Variants in ZNF385D observed in about 807,000 individuals in gnomAD.
ZNF385D encodes zinc finger protein 385D.
ZNF385D carries 15 observed loss-of-function variants against 35.8 expected under a neutral mutation model. That is an observed-to-expected ratio of 0.42 (90% CI 0.28 to 0.64). The LOEUF (loss-of-function observed/expected upper bound fraction) is 0.64. Ranked by LOEUF, ZNF385D falls within the 30% of genes least tolerant of loss-of-function variation. ZNF385D has a pLI of 0.23. For synonymous variants in ZNF385D, 212 were observed against 186.8 expected (o/e 1.13, Z -1.10); for missense variants, 474 against 494.6 (o/e 0.96, Z 0.39).
At chr3:21,434,772 G>A (rs540721273) in intron 5 of ZNF385D, among the ~76,000 whole-genome samples, 19 of 152,046 alleles carry the variant, frequency 1.2e-4, no homozygotes, top group Non-Finnish European at 2.8e-4. Flanking sequence ...ATTTTGGAGT[G>A]GGTTCTTTTC....
chr3:22,029,602 T>C (rs1489004212), intron 3 of ZNF385D, among the ~76,000 whole-genome samples: 2 of 152,204 alleles, frequency 1.3e-5, no homozygotes, highest in East Asian at 3.8e-4. Flanking sequence ...GTTAAAAACA[T>C]GTTTGTGCAT....
chr3:21,476,968 A>G (rs1157537465), intron 4 of ZNF385D, among the ~76,000 whole-genome samples: 4 of 152,066 alleles, frequency 2.6e-5, no homozygotes, highest in Non-Finnish European at 5.9e-5. Flanking sequence ...TATGTCACCA[A>G]TTACCCCACC....
intron 2 of ZNF385D, among the ~76,000 whole-genome samples, chr3:22,183,408 T>G (rs1386006445): frequency 6.6e-6 from 1 of 152,084 alleles, no homozygotes; most frequent in East Asian, 1.9e-4. Flanking sequence ...TGGAGTGCAG[T>G]GTGCAGTGGT....
intron 1 of ZNF385D, among the ~76,000 whole-genome samples, chr3:21,737,909 T>A (rs566579092): frequency 5.9e-5 from 9 of 152,308 alleles, no homozygotes; most frequent in African/African-American, 1.4e-4. Flanking sequence ...CCATAGCACA[T>A]CTCCTAGCTC....
intron 3 of ZNF385D, among the ~76,000 whole-genome samples, chr3:21,902,495 CTT>C (rs1364798763): frequency 6.6e-6 from 1 of 152,114 alleles, no homozygotes; most frequent in African/African-American, 2.4e-5. Flanking sequence ...AGTTACATGA[CTT>C]TGTTTTCTCC....
intron 3 of ZNF385D, among the ~76,000 whole-genome samples, chr3:22,014,621 T>A (rs1458255659): frequency 6.6e-6 from 1 of 151,732 alleles, no homozygotes; most frequent in Non-Finnish European, 1.5e-5. Context: ...CTCAGAAAAA[T>A]TACCACCATG....
intron 3 of ZNF385D, among the ~76,000 whole-genome samples, chr3:22,115,877 T>G (rs1702785199): frequency 1.3e-5 from 2 of 152,118 alleles, no homozygotes; most frequent in South Asian, 4.1e-4. Context: ...AAACTATCTT[T>G]GCAATTTTTG....
chr3:22,105,699 C>T (rs1702175137), intron 3 of ZNF385D, among the ~76,000 whole-genome samples: 1 of 152,026 alleles, frequency 6.6e-6, no homozygotes, highest in Admixed American at 6.6e-5. Flanking sequence ...AACCTTCCTC[C>T]ACCTTTTTGT....
intron 2 of ZNF385D, among the ~76,000 whole-genome samples, chr3:22,178,594 C>T (rs1419985635): frequency 6.6e-6 from 1 of 152,066 alleles, no homozygotes; most frequent in Non-Finnish European, 1.5e-5. Flanking sequence ...TAATTAGATC[C>T]CATTTGTCAG....
chr3:21,906,047 C>A (rs116285481), intron 3 of ZNF385D, among the ~76,000 whole-genome samples: 59 of 152,304 alleles, frequency 3.9e-4, no homozygotes, highest in African/African-American at 1.1e-3. Flanking sequence ...TATTCAATTT[C>A]TTCTGCTTAG....
intron 2 of ZNF385D, among the ~76,000 whole-genome samples, chr3:22,326,825 C>T (rs1002018949): frequency 3.9e-4 from 60 of 152,148 alleles, no homozygotes; most frequent in African/African-American, 1.4e-3. Context: ...CGAACATTAC[C>T]AAAGCACCCC....
chr3:22,056,547 CAG>C (rs1316586577), intron 3 of ZNF385D, among the ~76,000 whole-genome samples: 6 of 152,068 alleles, frequency 3.9e-5, no homozygotes, highest in African/African-American at 1.4e-4. Flanking sequence ...TCCAATTAAA[CAG>C]AAAAGAAAGT....
chr3:22,131,602 C>A (rs1042955467), intron 3 of ZNF385D, among the ~76,000 whole-genome samples: 1 of 152,002 alleles, frequency 6.6e-6, no homozygotes, highest in African/African-American at 2.4e-5. Flanking sequence ...AAAAAGAGGA[C>A]AGAGCAAAGG....
intron 3 of ZNF385D, among the ~76,000 whole-genome samples, chr3:21,882,309 G>A (rs1201082096): frequency 6.6e-6 from 1 of 151,954 alleles, no homozygotes; most frequent in Non-Finnish European, 1.5e-5. Flanking sequence ...TGTTCAGCCA[G>A]CAGGCATCAA....
chr3:21,862,307 TA>T (rs1222941537), intron 3 of ZNF385D, among the ~76,000 whole-genome samples: 1 of 150,884 alleles, frequency 6.6e-6, no homozygotes, highest in Admixed American at 6.6e-5. Flanking sequence ...TTTTTTTTTT[TA>T]ATCAAGCTCA....
At chr3:22,176,496 C>T (rs1459021548) in intron 2 of ZNF385D, among the ~76,000 whole-genome samples, 1 of 152,120 alleles carries the variant, frequency 6.6e-6, no homozygotes, top group Non-Finnish European at 1.5e-5. Context: ...GATTGCATTT[C>T]AAGTACAGTT....
In ZNF385D at chr3:22,347,694, T is replaced by C. The variant is rs528295841; in HGVS notation, c.106+24756A>G. Among the ~76,000 whole-genome samples the C allele has an allele frequency of 3.9e-5, 6 of 152,288 alleles. No homozygotes were observed. In the East Asian group the frequency reaches 9.6e-4, roughly 24 times the overall value. ...TGATATGACTGTTTCACTTTATGCA[T>C]GCCCTAACAATAGAGGATTACACAA... On this transcript the variant is annotated intron_variant, in intron 2 of 5. Transcript: ENST00000494108.
chr3:21,876,548 CT>C (rs1356091294), intron 3 of ZNF385D, among the ~76,000 whole-genome samples: 15 of 151,980 alleles, frequency 9.9e-5, no homozygotes, highest in Admixed American at 2.6e-4. Flanking sequence ...CTTCAATCAA[CT>C]GACATTTATT....
chr3:22,323,560 A>C (rs1366159291), intron 2 of ZNF385D, among the ~76,000 whole-genome samples: 2 of 152,188 alleles, frequency 1.3e-5, no homozygotes, highest in East Asian at 3.9e-4. Context: ...GCTAAAGGGG[A>C]ATTTAGCTAA....
Sources: allele counts gnomAD v4.1 joint callset (sites outside exome capture counted in the v4.1 genomes callset), GRCh38; gene constraint gnomAD v4.1.1; transcripts MANE v1.5; gene names NCBI Gene and HGNC (gene_info 2026-07-23, HGNC 2026-07-21).